Variants in ASB14 observed in about 807,000 individuals in gnomAD.
ASB14 encodes ankyrin repeat and SOCS box protein 14.
Under a neutral mutation model 55.6 loss-of-function variants are expected in ASB14, and 63 were observed. The ratio of observed to expected loss-of-function variants is 1.13; its 90% CI spans 0.92 to 1.40. The LOEUF (loss-of-function observed/expected upper bound fraction) is 1.40, where lower values mean the gene tolerates loss of function less well. Ranked by LOEUF, ASB14 falls within the 40% of genes most tolerant of loss-of-function variation. The probability of loss-of-function intolerance (pLI) is 0.00; values close to 1 mark genes in which losing one functional copy is unlikely to be tolerated. For missense variants in ASB14, 724 were observed against 710.4 expected (o/e 1.02, Z -0.22); for synonymous variants, 256 against 259.9 (o/e 0.98, Z 0.15).
chr3:57,290,516 T>C (rs966541080), intron 2 of ASB14, among the ~76,000 whole-genome samples: 3 of 152,236 alleles, frequency 2.0e-5, no homozygotes, highest in Non-Finnish European at 4.4e-5. Flanking sequence ...TTACTTCTCC[T>C]TTGCCATGTA....
In ASB14 at chr3:57,268,441, AAG is replaced by A. The variant is rs1559515963; in HGVS notation, c.*1198_*1199del. On this transcript the variant is annotated 3_prime_UTR_variant, in exon 11 of 11. Coordinates refer to ENST00000487349, the MANE Select transcript of ASB14 (RefSeq NM_001142733.3). Reference sequence around the variant, plus strand: ...AAACAAAAAGAAATAGAGAGAGTAAAAGAGAAGCAACAGAAAGAACTCAATAA... The same window carrying A: ...AAACAAAAAGAAATAGAGAGAGTAAAAGAAGCAACAGAAAGAACTCAATAA... 7 of 1,604,592 alleles carry A rather than the reference AAG, an allele frequency of 4.4e-6. No homozygotes were observed. The highest frequency in any genetic ancestry group is 6.0e-6 in the Non-Finnish European group (7 of 1,174,930).
intron 10 of ASB14, 75 bp from the exon 11 acceptor site, chr3:57,269,693 T>C (rs749913296): frequency 3.7e-6 from 6 of 1,613,434 alleles, no homozygotes; most frequent in Non-Finnish European, 5.1e-6. Flanking sequence ...CATAAGCTTA[T>C]ACTTTTGGTA....
chr3:57,292,015 C>G lies in ASB14; in HGVS notation c.19G>C (p.Asp7His). 6.5e-7 allele frequency: 1 copy of G among 1,533,384 alleles called. No individual in the cohort carries two copies. Among genetic ancestry groups the G allele is most frequent in the Non-Finnish European group, 8.7e-7 (1 of 1,143,534 alleles). The allele number at this position is 1,533,384 out of a possible 1,614,324, so 95.0% of individuals were successfully genotyped here. A position where few individuals can be genotyped will look rare whatever the true frequency, so the allele number is the denominator to read the frequency against. MDNYTS[D>H]EDIDEDFDTQ... ...TCAAAGTCTTCATCTATGTCTTCAT[C>G]GCTGGTGTAATTATCCATGTGAAAC... Residue 7 changes from aspartate (D) to histidine (H), a missense_variant, in exon 2 of 11, where the codon GAT becomes CAT. By Grantham distance (81) the Asp-to-His change is moderately conservative. Coordinates refer to ENST00000487349, the MANE Select transcript of ASB14 (RefSeq NM_001142733.3).
chr3:57,289,559 TCA>T (rs958477243), intron 2 of ASB14, among the ~76,000 whole-genome samples: 22 of 152,238 alleles, frequency 1.4e-4, no homozygotes, highest in African/African-American at 3.9e-4. Context: ...TAAAAAATAT[TCA>T]CAGTCAGAAT....
intron 8 of ASB14, 72 bp downstream of exon 8, chr3:57,278,305 T>C: frequency 4.1e-6 from 5 of 1,227,884 alleles, no homozygotes; most frequent in Non-Finnish European, 4.7e-6. Flanking sequence ...GTGGATGTAA[T>C]CTATTTATTG....
At chr3:57,280,564 CAATT>C (rs2061031897) in intron 6 of ASB14, 91 bp from the exon 7 acceptor site, 29 of 1,189,828 alleles carry the variant, frequency 2.4e-5, no homozygotes, top group Non-Finnish European at 3.4e-5. Context: ...CACCAAAAAG[CAATT>C]AGTGAGCACG....
At chr3:57,286,420 G>T (rs1335864805) in intron 5 of ASB14, among the ~76,000 whole-genome samples, 3 of 140,476 alleles carry the variant, frequency 2.1e-5, no homozygotes, top group Non-Finnish European at 3.3e-5. Flanking sequence ...ACATTTTAAA[G>T]AACTTTTTGT....
chr3:57,279,831 G>C (rs1390733177), intron 7 of ASB14, among the ~76,000 whole-genome samples: 2 of 152,174 alleles, frequency 1.3e-5, no homozygotes, highest in Non-Finnish European at 2.9e-5. Flanking sequence ...AAGTGTAAGG[G>C]AATTGATCTA....
intron 5 of ASB14, among the ~76,000 whole-genome samples, chr3:57,284,769 A>C (rs949481673): frequency 6.6e-6 from 1 of 152,176 alleles, no homozygotes; most frequent in Non-Finnish European, 1.5e-5. Context: ...TCTTTTCACT[A>C]TACAGTGCTA....
intron 3 of ASB14, among the ~76,000 whole-genome samples, 185 bp from the exon 4 acceptor site, chr3:57,288,471 C>T (rs1198934690): frequency 6.6e-6 from 1 of 152,162 alleles, no homozygotes; most frequent in Non-Finnish European, 1.5e-5. Flanking sequence ...CGCACCTGGG[C>T]ATGTGAACAC....
At chr3:57,272,467 C>T (rs1009275491) in intron 10 of ASB14, 1 of 152,066 alleles carries the variant, frequency 6.6e-6, no homozygotes, top group Non-Finnish European at 1.5e-5. Context: ...AAGATAAAAT[C>T]GTATATGGTA....
intron 9 of ASB14, 88 bp downstream of exon 9, chr3:57,277,678 GA>G: frequency 1.7e-6 from 2 of 1,206,036 alleles, no homozygotes; most frequent in Non-Finnish European, 2.3e-6. Context: ...CTTTTAACCA[GA>G]AGAGAAGGGT....
chr3:57,278,633 A>C lies in ASB14; in HGVS notation c.1175T>G (p.Ile392Arg), dbSNP rs577334264. Residue 392 changes from isoleucine to arginine, a missense_variant, in exon 8 of 11, where the codon ATA (isoleucine) becomes AGA (arginine). Ile to Arg is a moderately conservative substitution (Grantham distance 97). Coordinates refer to ENST00000487349, the MANE Select transcript of ASB14 (RefSeq NM_001142733.3). ...PNQDPVNCLQIALRMGNYELI... is the reference protein window; with the variant it reads ...PNQDPVNCLQRALRMGNYELI... ...CTCATAGTTGCCCATCCTGAGGGCT[A>C]TCTGGAGGCAGTTAACCGGGTCTTG... 1.9e-6 allele frequency: 3 copies of C among 1,614,120 alleles called. No homozygotes were observed. The highest frequency in any genetic ancestry group is 2.2e-5 in the East Asian group (1 of 44,898).
chr3:57,284,094 A>ATGTGTGTGTG (rs147304310), intron 5 of ASB14, among the ~76,000 whole-genome samples: 3,899 of 136,482 alleles, frequency 0.029, 103 homozygotes, highest in East Asian at 0.075. Context: ...AACACTGTGT[A>ATGTGTGTGTG]TGTGTGTGTG....
intron 10 of ASB14, among the ~76,000 whole-genome samples, chr3:57,275,004 C>T (rs1487041233): frequency 6.6e-6 from 1 of 152,124 alleles, no homozygotes; most frequent in Non-Finnish European, 1.5e-5. Context: ...CAGTAATAGA[C>T]ACTAAGCTGG....
In ASB14 at chr3:57,269,535, C is replaced by T. The variant is rs1224696837; in HGVS notation, c.*106G>A. 3 of 1,609,872 alleles carry T rather than the reference C, an allele frequency of 1.9e-6. No homozygotes were observed. The highest frequency in any genetic ancestry group is 3.4e-5 in the Admixed American group (2 of 59,242). ...AACTTAGTTTCTTTTTTGTCTTTTC[C>T]ACTAGGACTTGGAAGAACAAAGTCG... On this transcript the variant is annotated 3_prime_UTR_variant, in exon 11 of 11. Transcript: ENST00000487349.
At chr3:57,290,380 G>C (rs1421699999) in intron 2 of ASB14, among the ~76,000 whole-genome samples, 2 of 152,110 alleles carry the variant, frequency 1.3e-5, no homozygotes, top group Non-Finnish European at 2.9e-5. Context: ...CTCCCAAGTT[G>C]TCTCTCCTGG....
At chr3:57,269,793 A>C in intron 10 of ASB14, 175 bp from the exon 11 acceptor site, 1 of 1,266,006 alleles carries the variant, frequency 7.9e-7, no homozygotes, top group Non-Finnish European at 1.1e-6. Flanking sequence ...ATTAAGCTTT[A>C]TATTTGCTTA....
At chr3:57,274,002 C>G (rs1358702653) in intron 10 of ASB14, among the ~76,000 whole-genome samples, 1 of 151,894 alleles carries the variant, frequency 6.6e-6, no homozygotes, top group South Asian at 2.1e-4. Context: ...AAATATATTT[C>G]TATATTGAAA....
Sources: gnomAD v4.1 joint callset for allele counts (sites outside exome capture counted in the v4.1 genomes callset) on GRCh38, gnomAD v4.1.1 for gene constraint, MANE v1.5 for transcripts, NCBI Gene and HGNC (gene_info 2026-07-23, HGNC 2026-07-21) for gene names.